Variants in TPD52 observed in about 807,000 individuals in gnomAD.
TPD52 encodes the protein tumor protein D52, also known as prostate and colon associated protein.
In TPD52, 17 loss-of-function variants were observed where a neutral mutation model predicts 31.3. That is an observed-to-expected ratio of 0.54 (90% confidence interval 0.37 to 0.82). The LOEUF is 0.82. Among genes scored for constraint, TPD52 ranks in the 40% least tolerant of loss-of-function variants. The probability of loss-of-function intolerance (pLI) is 0.00; values close to 1 mark genes in which losing one functional copy is unlikely to be tolerated. For synonymous variants in TPD52, 83 were observed against 89.6 expected (o/e 0.93, Z 0.42); for missense variants, 212 against 240.1 (o/e 0.88, Z 0.77).
At chr8:80,050,753 A>C (rs1811296492) in intron 4 of TPD52, among the ~76,000 whole-genome samples, 1 of 152,216 alleles carries the variant, frequency 6.6e-6, no homozygotes. Context: ...AAATTGACCA[A>C]ATCTATTCAA....
chr8:80,080,718 G>A (rs1586255347), intron 1 of TPD52: 6 of 1,135,354 alleles, frequency 5.3e-6, no homozygotes, highest in South Asian at 3.9e-5. Context: ...TGTTAATTTC[G>A]ATCAACAATG....
chr8:80,038,296 A>G (rs1311233031), intron 7 of TPD52, 61 bp from the exon 8 acceptor site: 57 of 1,568,724 alleles, frequency 3.6e-5, no homozygotes, highest in Non-Finnish European at 4.7e-5. Context: ...CTGATTCTGC[A>G]TAAAGTAACT....
chr8:80,062,113 T>C (rs775257855), intron 2 of TPD52, among the ~76,000 whole-genome samples: 2 of 152,174 alleles, frequency 1.3e-5, no homozygotes, highest in Non-Finnish European at 2.9e-5. Context: ...TGAATAACAA[T>C]TTTTAAAAAG....
chr8:80,064,389 C>A, intron 2 of TPD52, 89 bp downstream of exon 2: 1 of 1,066,402 alleles, frequency 9.4e-7, no homozygotes, highest in Non-Finnish European at 1.4e-6. Context: ...CTGGAACTAA[C>A]TATAAACATA....
intron 1 of TPD52, among the ~76,000 whole-genome samples, chr8:80,148,440 C>T (rs769222257): frequency 4.6e-5 from 7 of 151,954 alleles, no homozygotes; most frequent in East Asian, 3.8e-4. Context: ...TGGGATTACA[C>T]GCAAGAGCCA....
chr8:80,053,098 G>T (rs1811532873), intron 3 of TPD52, 184 bp downstream of exon 3: 2 of 533,768 alleles, frequency 3.7e-6, no homozygotes, highest in East Asian at 3.3e-5. Context: ...AGAATAAGTG[G>T]TCTGGAAAAA....
chr8:80,064,533 G>A lies in TPD52; in HGVS notation c.80C>T (p.Ala27Val), dbSNP rs1812908707. 2 of 1,614,014 alleles carry A rather than the reference G, an allele frequency of 1.2e-6. No homozygotes were observed. The highest frequency in any genetic ancestry group is 1.7e-6 in the Non-Finnish European group (2 of 1,180,014). ...EGEDVAATIS[A>V]TETLSEEEQE... is the part of the protein sequence containing the mutation. ...CTCCTCTTCCGAGAGGGTCTCTGTGGCACTGATCGTGGCAGCAACATCTTC... is the reference window on the plus strand; with the variant it reads ...CTCCTCTTCCGAGAGGGTCTCTGTGACACTGATCGTGGCAGCAACATCTTC... The change falls in exon 2 of 8, where the codon GCC (alanine) becomes GTC (valine). Residue 27 changes from alanine (A) to valine (V), a missense_variant. Ala to Val is a moderately conservative substitution (Grantham distance 64). Coordinates refer to ENST00000518937, the MANE Select transcript of TPD52 (RefSeq NM_001025253.3).
intron 1 of TPD52, among the ~76,000 whole-genome samples, chr8:80,129,780 AC>A (rs1208569323): frequency 6.6e-6 from 1 of 150,832 alleles, no homozygotes; most frequent in Non-Finnish European, 1.5e-5. Context: ...GCTCACTGAA[AC>A]CTCCACCTCC....
chr8:80,081,166 T>G (rs1044500378), intron 1 of TPD52, among the ~76,000 whole-genome samples: 2 of 149,144 alleles, frequency 1.3e-5, no homozygotes, highest in African/African-American at 5.0e-5. Flanking sequence ...CTTTTTTTTT[T>G]TTTTTTTTTT....
intron 1 of TPD52, among the ~76,000 whole-genome samples, chr8:80,164,663 C>G (rs112428174): frequency 5.6e-4 from 86 of 152,238 alleles, no homozygotes; most frequent in African/African-American, 1.9e-3. Context: ...GTGGGCAGAT[C>G]ACTTGAGGCC....
intron 1 of TPD52, among the ~76,000 whole-genome samples, chr8:80,101,803 C>A (rs1000501567): frequency 6.6e-6 from 1 of 152,174 alleles, no homozygotes; most frequent in Admixed American, 6.5e-5. Flanking sequence ...GGATCCCCCC[C>A]ATGACCCAAA....
At chr8:80,138,105 G>A (rs542863773) in intron 1 of TPD52, among the ~76,000 whole-genome samples, 55 of 152,052 alleles carry the variant, frequency 3.6e-4, no homozygotes, top group African/African-American at 1.2e-3. Flanking sequence ...CACCACGCCC[G>A]GCTAATTTTG....
At chr8:80,142,799 A>C (rs1266202755) in intron 1 of TPD52, among the ~76,000 whole-genome samples, 1 of 152,166 alleles carries the variant, frequency 6.6e-6, no homozygotes, top group Non-Finnish European at 1.5e-5. Flanking sequence ...GAGAATAGGG[A>C]AGGAGGAATA....
At chr8:80,049,126 T>A (rs1038526161) in intron 5 of TPD52, among the ~76,000 whole-genome samples, 1 of 152,206 alleles carries the variant, frequency 6.6e-6, no homozygotes, top group Non-Finnish European at 1.5e-5. Context: ...TACTTTTATA[T>A]CTTACACTGA....
intron 7 of TPD52, among the ~76,000 whole-genome samples, chr8:80,041,979 C>T (rs1810430997): frequency 6.6e-6 from 1 of 151,938 alleles, no homozygotes; most frequent in African/African-American, 2.4e-5. Context: ...GTCCCAGCTA[C>T]TCGGGAGGCT....
chr8:80,091,160 A>C (rs1256969246), intron 1 of TPD52, among the ~76,000 whole-genome samples: 1 of 152,198 alleles, frequency 6.6e-6, no homozygotes, highest in Non-Finnish European at 1.5e-5. Context: ...ACAAGGAGTC[A>C]CAGACTGGAT....
At chr8:80,157,790 A>C (rs1402724769) in intron 1 of TPD52, among the ~76,000 whole-genome samples, 1 of 152,226 alleles carries the variant, frequency 6.6e-6, no homozygotes, top group East Asian at 1.9e-4. Context: ...GCAAATATTT[A>C]ATATGTTCTT....
At chr8:80,158,313 C>T (rs888623438) in intron 1 of TPD52, 1 of 152,066 alleles carries the variant, frequency 6.6e-6, no homozygotes, top group African/African-American at 2.4e-5. Flanking sequence ...CCCCCACCCC[C>T]ATCCATGGAA....
intron 1 of TPD52, among the ~76,000 whole-genome samples, chr8:80,159,188 C>T (rs1811192048): frequency 6.6e-6 from 1 of 152,158 alleles, no homozygotes; most frequent in African/African-American, 2.4e-5. Flanking sequence ...ACCTAATTTT[C>T]ATGCATATGT....
Sources: gnomAD v4.1 joint callset for allele counts (sites outside exome capture counted in the v4.1 genomes callset) on GRCh38, gnomAD v4.1.1 for gene constraint, MANE v1.5 for transcripts, NCBI Gene and HGNC (gene_info 2026-07-23, HGNC 2026-07-21) for gene names.